FAM20B: variants seen among roughly 807,000 people sequenced by gnomAD.
FAM20B encodes FAM20B glycosaminoglycan xylosylkinase, also known as glycosaminoglycan xylosylkinase.
FAM20B carries 23 observed loss-of-function variants against 43.8 expected under a neutral mutation model. The observed-to-expected ratio is 0.53, with a 90% CI of 0.38 to 0.74. FAM20B has a LOEUF of 0.74. Among genes scored for constraint, FAM20B ranks in the 30% least tolerant of loss-of-function variants. The pLI is 0.00. For missense variants in FAM20B, 440 were observed against 510.5 expected, an observed-to-expected ratio of 0.86 and a Z score of 1.33; for synonymous variants, 178 against 192.4, an observed-to-expected ratio of 0.93 and a Z score of 0.62.
intron 1 of FAM20B, among the ~76,000 whole-genome samples, chr1:179,028,997 C>T (rs995133737): frequency 4.6e-5 from 7 of 152,248 alleles, no homozygotes; most frequent in Admixed American, 2.6e-4. Context: ...TTCTAAACCA[C>T]CTGGAGCCTG....
chr1:179,043,322 G>C (rs2102497041), intron 1 of FAM20B, among the ~76,000 whole-genome samples: 1 of 152,322 alleles, frequency 6.6e-6, no homozygotes, highest in Non-Finnish European at 1.5e-5. Context: ...AGTGGGGAGA[G>C]GCCAGGCAGC....
In FAM20B at chr1:179,025,897, T is replaced by C. The variant is rs1190477810; in HGVS notation, c.-335T>C. ...GGGGCCTCGGAGGCGGGGGGGTGGG[T>C]GTGGGACTGCCGCTCTGCGCGGCGA... is the stretch of plus-strand genomic sequence containing the variant. On this transcript the variant is annotated 5_prime_UTR_variant, in exon 1 of 8. Transcript: ENST00000263733. 1 of 60,004 alleles carries C rather than the reference T, an allele frequency of 1.7e-5. No individual in the cohort carries two copies. The highest frequency in any genetic ancestry group is 3.2e-5 in the Non-Finnish European group (1 of 30,896). The allele number at this position is 60,004 out of a possible 1,614,324, so 3.7% of individuals were successfully genotyped here. A position where few individuals can be genotyped will look rare whatever the true frequency, so the allele number is the denominator to read the frequency against.
chr1:179,051,086 C>T (rs1257312067), intron 3 of FAM20B, among the ~76,000 whole-genome samples: 2 of 150,258 alleles, frequency 1.3e-5, no homozygotes, highest in Non-Finnish European at 2.9e-5. Context: ...CGTGCCACTG[C>T]ACTCCAGCCT....
chr1:179,070,936 A>G (rs1651895830), intron 7 of FAM20B, among the ~76,000 whole-genome samples: 2 of 152,172 alleles, frequency 1.3e-5, no homozygotes, highest in South Asian at 4.2e-4. Flanking sequence ...TTCAACATGT[A>G]TTTTGTAGGG....
chr1:179,033,627 G>C (rs1650097395), intron 1 of FAM20B, among the ~76,000 whole-genome samples: 1 of 152,098 alleles, frequency 6.6e-6, no homozygotes, highest in Admixed American at 6.6e-5. Flanking sequence ...GAGAATGTTG[G>C]GTTTTACAAA....
At chr1:179,050,920 G>A (rs907034946) in intron 3 of FAM20B, among the ~76,000 whole-genome samples, 2 of 151,814 alleles carry the variant, frequency 1.3e-5, no homozygotes, top group Non-Finnish European at 2.9e-5. Context: ...TCAGGAGTTC[G>A]AGACCAGCCT....
intron 4 of FAM20B, among the ~76,000 whole-genome samples, chr1:179,059,839 G>T (rs1359606467): frequency 6.6e-6 from 1 of 151,974 alleles, no homozygotes; most frequent in Non-Finnish European, 1.5e-5. Flanking sequence ...GGGTGTGGTG[G>T]TGCACGTCTG....
chr1:179,033,242 T>A (rs1325653788), intron 1 of FAM20B, among the ~76,000 whole-genome samples: 1 of 152,244 alleles, frequency 6.6e-6, no homozygotes, highest in Non-Finnish European at 1.5e-5. Context: ...TTGCTCTGCA[T>A]AAGTCTAAGT....
intron 2 of FAM20B, 122 bp from the exon 3 acceptor site, chr1:179,050,157 G>A (rs997550033): frequency 4.6e-6 from 3 of 645,958 alleles, no homozygotes. Context: ...TGTTTGCAGG[G>A]TTGACAGAGA....
chr1:179,061,956 A>G (rs1486893596), intron 4 of FAM20B, among the ~76,000 whole-genome samples: 1 of 152,008 alleles, frequency 6.6e-6, no homozygotes, highest in Non-Finnish European at 1.5e-5. Flanking sequence ...TTCTCCAAGC[A>G]CTTTCTTGCA....
intron 6 of FAM20B, among the ~76,000 whole-genome samples, chr1:179,066,217 G>A (rs1316318806): frequency 1.3e-5 from 2 of 152,184 alleles, no homozygotes; most frequent in Non-Finnish European, 2.9e-5. Flanking sequence ...CAGTTTTCCA[G>A]AATCAGTTCT....
chr1:179,039,738 TATTA>T (rs1650400691), intron 1 of FAM20B, among the ~76,000 whole-genome samples: 1 of 127,378 alleles, frequency 7.9e-6, no homozygotes, highest in African/African-American at 3.0e-5. Context: ...TTTATTTATT[TATTA>T]TTTTTTTTTA....
chr1:179,067,392 G>A (rs1270343257), intron 7 of FAM20B, among the ~76,000 whole-genome samples: 1 of 152,184 alleles, frequency 6.6e-6, no homozygotes, highest in African/African-American at 2.4e-5. Flanking sequence ...ATCACCTGAG[G>A]TCAGGAGTTC....
chr1:179,045,311 T>G (rs1650716603), intron 2 of FAM20B, among the ~76,000 whole-genome samples: 1 of 152,248 alleles, frequency 6.6e-6, no homozygotes. Flanking sequence ...TCTCAAAGTT[T>G]GTAATGTCTG....
chr1:179,059,920 C>T (rs1026161005), intron 4 of FAM20B, among the ~76,000 whole-genome samples: 1 of 150,724 alleles, frequency 6.6e-6, no homozygotes, highest in African/African-American at 2.4e-5. Flanking sequence ...TGCAGTGAGC[C>T]GAGATCATGC....
chr1:179,041,321 T>C (rs1572537529), intron 1 of FAM20B, among the ~76,000 whole-genome samples: 1 of 151,660 alleles, frequency 6.6e-6, no homozygotes, highest in Non-Finnish European at 1.5e-5. Flanking sequence ...GAGGTGGAGG[T>C]TGTAGCGAGC....
chr1:179,064,712 A>G (rs182689352), intron 6 of FAM20B, among the ~76,000 whole-genome samples: 5 of 152,308 alleles, frequency 3.3e-5, no homozygotes, highest in Admixed American at 2.6e-4. Flanking sequence ...CAAGGAGTCT[A>G]AGACTCTATG....
intron 1 of FAM20B, among the ~76,000 whole-genome samples, chr1:179,031,684 A>C (rs1046051977): frequency 2.8e-4 from 42 of 152,234 alleles, no homozygotes; most frequent in African/African-American, 1.0e-3. Context: ...AAGTGAAAAC[A>C]GTAAGGAAAA....
At chr1:179,028,712 C>T (rs895507689) in intron 1 of FAM20B, among the ~76,000 whole-genome samples, 3 of 152,174 alleles carry the variant, frequency 2.0e-5, no homozygotes, top group South Asian at 4.1e-4. Flanking sequence ...TGAGGCCCTA[C>T]AGTTTGTTGT....
Sources: allele counts gnomAD v4.1 joint callset (sites outside exome capture counted in the v4.1 genomes callset), GRCh38; gene constraint gnomAD v4.1.1; transcripts MANE v1.5; gene names NCBI Gene and HGNC (gene_info 2026-07-23, HGNC 2026-07-21).